Variants in SLC24A2 observed in about 807,000 individuals in gnomAD.
SLC24A2 encodes the protein sodium/potassium/calcium exchanger 2.
In SLC24A2, 36 loss-of-function variants were observed where a neutral mutation model predicts 62.0. The observed-to-expected ratio is 0.58, with a 90% CI of 0.44 to 0.77. SLC24A2 has a LOEUF of 0.77. SLC24A2 is among the 30% of genes least tolerant of loss of function. The probability of loss-of-function intolerance (pLI) is 0.00; values close to 1 mark genes in which losing one functional copy is unlikely to be tolerated. For synonymous variants in SLC24A2, 358 were observed against 294.0 expected (o/e 1.22, Z -2.23); for missense variants, 846 against 817.9 (o/e 1.03, Z -0.42).
intron 2 of SLC24A2, among the ~76,000 whole-genome samples, chr9:19,741,394 C>T (rs1428130754): frequency 6.6e-6 from 1 of 152,164 alleles, no homozygotes; most frequent in Non-Finnish European, 1.5e-5. Flanking sequence ...TGGGATTCGT[C>T]CCAGAGGTTG....
the SLC24A2 span, among the ~76,000 whole-genome samples, chr9:19,992,541 G>A: frequency 1.3e-5 from 2 of 152,140 alleles, no homozygotes; most frequent in African/African-American, 4.8e-5. Flanking sequence ...GAAATAAACT[G>A]TTCATTAACT....
chr9:19,779,625 AG>A (rs1822950930), intron 2 of SLC24A2, among the ~76,000 whole-genome samples: 1 of 152,254 alleles, frequency 6.6e-6, no homozygotes. Flanking sequence ...TGTAGATAAA[AG>A]GTTTGGTATA....
At chr9:19,748,408 G>T (rs1159257926) in intron 2 of SLC24A2, among the ~76,000 whole-genome samples, 2 of 152,106 alleles carry the variant, frequency 1.3e-5, no homozygotes, top group African/African-American at 4.8e-5. Context: ...TATAACACAA[G>T]AAGTTTTAGA....
the SLC24A2 span, among the ~76,000 whole-genome samples, chr9:20,118,886 C>A: frequency 1.3e-5 from 2 of 152,002 alleles, no homozygotes; most frequent in South Asian, 2.1e-4. Context: ...TTGCTTCTAA[C>A]CAATAAAATA....
At chr9:19,772,882 C>T (rs183357195) in intron 2 of SLC24A2, among the ~76,000 whole-genome samples, 7 of 152,234 alleles carry the variant, frequency 4.6e-5, no homozygotes, top group Admixed American at 1.3e-4. Flanking sequence ...CACACAAACA[C>T]TTGTAAGTAA....
At position 19,576,862 on chromosome 9, in the gene SLC24A2, G is replaced by A. The variant is rs771405413; in HGVS notation, c.1228+62C>T. The A allele has an allele frequency of 1.7e-5, 22 of 1,274,548 alleles. 1 individual carries two copies. The highest frequency in any genetic ancestry group is 2.5e-5 in the Non-Finnish European group (22 of 871,404). The allele number at this position is 1,274,548 out of a possible 1,614,324, so 79.0% of individuals were successfully genotyped here. Reference sequence around the variant, plus strand: ...AGTCAGGGGTGCCCACACTGGTCCTGACTCTCTGCTCCCCTCGCTTCCCCC... The same window carrying A: ...AGTCAGGGGTGCCCACACTGGTCCTAACTCTCTGCTCCCCTCGCTTCCCCC... On this transcript the variant is annotated intron_variant, in intron 6 of 10. Transcript: ENST00000341998.
the SLC24A2 span, among the ~76,000 whole-genome samples, chr9:20,290,667 G>A: frequency 5.1e-4 from 78 of 152,336 alleles, 1 homozygote; most frequent in East Asian, 0.014. Context: ...AAAGAGCAGG[G>A]ACAAATCGTT....
In SLC24A2 at chr9:19,512,899, C is replaced by A. The variant is rs1409659030; in HGVS notation, c.*3254G>T. On this transcript the variant is annotated 3_prime_UTR_variant, in exon 11 of 11. Coordinates refer to ENST00000341998, the MANE Select transcript of SLC24A2 (RefSeq NM_020344.4). ...CATTAGGGATATGGCTGACCGATTT[C>A]CTTAAGGCTATAAATTGATATTCTT... is the stretch of plus-strand genomic sequence containing the variant. 2.0e-5 allele frequency: 3 copies of A among 151,804 alleles called. No homozygotes were observed. Among genetic ancestry groups the A allele is most frequent in the Non-Finnish European group, 1.5e-5 (1 of 67,998 alleles). 9.4% of individuals were successfully genotyped at this position (151,804 alleles called of 1,614,324 possible). A position where few individuals can be genotyped will look rare whatever the true frequency, so the allele number is the denominator to read the frequency against.
At chr9:19,923,728 A>T in the SLC24A2 span, among the ~76,000 whole-genome samples, 1 of 152,216 alleles carries the variant, frequency 6.6e-6, no homozygotes, top group Admixed American at 6.5e-5. Context: ...ATAAATAGAT[A>T]GTTGGATCAT....
chr9:19,896,958 A>C, the SLC24A2 span, among the ~76,000 whole-genome samples: 2 of 152,186 alleles, frequency 1.3e-5, no homozygotes, highest in African/African-American at 2.4e-5. Context: ...ATTACCATCC[A>C]CTTTTCTCAT....
intron 2 of SLC24A2, among the ~76,000 whole-genome samples, chr9:19,678,836 T>G (rs1347519588): frequency 6.6e-6 from 1 of 152,236 alleles, no homozygotes. Context: ...GTTCACAGAA[T>G]TGATAACATG....
intron 7 of SLC24A2, among the ~76,000 whole-genome samples, chr9:19,570,905 C>A (rs546554337): frequency 6.6e-6 from 1 of 152,306 alleles, no homozygotes; most frequent in African/African-American, 2.4e-5. Flanking sequence ...AAGTGAAGAC[C>A]TGATTGCTCT....
intron 5 of SLC24A2, among the ~76,000 whole-genome samples, chr9:19,592,784 A>T (rs988979405): frequency 6.6e-6 from 1 of 152,194 alleles, no homozygotes; most frequent in African/African-American, 2.4e-5. Flanking sequence ...AAATTTGGGT[A>T]TCTGCAGATG....
At chr9:19,837,008 G>A in the SLC24A2 span, among the ~76,000 whole-genome samples, 6 of 152,154 alleles carry the variant, frequency 3.9e-5, no homozygotes, top group South Asian at 1.0e-3. Flanking sequence ...TGCAGAAAAG[G>A]CCTTGACAAA....
intron 2 of SLC24A2, among the ~76,000 whole-genome samples, chr9:19,707,685 C>T (rs1587191110): frequency 6.6e-6 from 1 of 152,236 alleles, no homozygotes; most frequent in African/African-American, 2.4e-5. Context: ...GCAGAAAAGG[C>T]CTTTGACAAA....
the SLC24A2 span, among the ~76,000 whole-genome samples, chr9:19,884,945 C>A: frequency 6.6e-6 from 1 of 152,242 alleles, no homozygotes; most frequent in East Asian, 1.9e-4. Flanking sequence ...TGGGATAAAA[C>A]CACACGGTAA....
chr9:20,017,318 T>C, the SLC24A2 span, among the ~76,000 whole-genome samples: 1 of 152,172 alleles, frequency 6.6e-6, no homozygotes, highest in Admixed American at 6.5e-5. Context: ...CCACCACGCC[T>C]GGCCCCAAAA....
chr9:19,978,293 G>GC, the SLC24A2 span, among the ~76,000 whole-genome samples: 9 of 152,062 alleles, frequency 5.9e-5, no homozygotes, highest in Non-Finnish European at 1.3e-4. Flanking sequence ...GGACAGAGGG[G>GC]CCACTTTTAT....
the SLC24A2 span, among the ~76,000 whole-genome samples, chr9:19,806,760 A>C: frequency 1.3e-5 from 2 of 152,200 alleles, no homozygotes; most frequent in African/African-American, 4.8e-5. Flanking sequence ...AAGAAGCAGA[A>C]GTTGCAACTC....
Sources: allele counts gnomAD v4.1 joint callset (sites outside exome capture counted in the v4.1 genomes callset), GRCh38; gene constraint gnomAD v4.1.1; transcripts MANE v1.5; gene names NCBI Gene and HGNC (gene_info 2026-07-23, HGNC 2026-07-21).